Variants in SORCS3 observed in about 807,000 individuals in gnomAD.
SORCS3 encodes the protein VPS10 domain-containing receptor SorCS3.
Under a neutral mutation model 146.3 loss-of-function variants are expected in SORCS3, and 57 were observed. That is an observed-to-expected ratio of 0.39 (90% CI 0.31 to 0.49). SORCS3 has a LOEUF of 0.49. Ranked by LOEUF, SORCS3 falls within the 20% of genes least tolerant of loss-of-function variation. The pLI, the probability that SORCS3 is intolerant of heterozygous loss-of-function variation, is 0.92. For synonymous variants in SORCS3, 653 were observed against 618.5 expected (o/e 1.06, Z -0.83); for missense variants, 1,341 against 1,575.5 (o/e 0.85, Z 2.52).
intron 7 of SORCS3, among the ~76,000 whole-genome samples, chr10:105,113,005 AC>A (rs2055868717): frequency 6.6e-6 from 1 of 152,092 alleles, no homozygotes; most frequent in Non-Finnish European, 1.5e-5. Context: ...GTCCTTTCCC[AC>A]CCTTATGTGC....
intron 6 of SORCS3, among the ~76,000 whole-genome samples, chr10:105,099,263 G>T (rs2055767075): frequency 6.6e-6 from 1 of 152,070 alleles, no homozygotes; most frequent in Admixed American, 6.5e-5. Flanking sequence ...CAGCTCACGG[G>T]TATTTCTCTA....
At position 105,216,054 on chromosome 10, in the gene SORCS3, G is replaced by A. The variant is rs2056663067; in HGVS notation, c.2548-882G>A. Among the ~76,000 whole-genome samples, 3 of 151,950 alleles carry A rather than the reference G, an allele frequency of 2.0e-5. No individual in the cohort carries two copies. In the South Asian group the frequency reaches 6.2e-4, roughly 32 times the overall value. ...AAGAAGCTAAGTGTTGGCTTGGGGT[G>A]GTGAGATGCATTCACCTGAATCATT... On this transcript the variant is annotated intron_variant, in intron 18 of 26. Coordinates refer to ENST00000369701, the MANE Select transcript of SORCS3 (RefSeq NM_014978.3).
chr10:105,261,580 A>G (rs2056960821), intron 25 of SORCS3, among the ~76,000 whole-genome samples: 1 of 152,194 alleles, frequency 6.6e-6, no homozygotes, highest in Non-Finnish European at 1.5e-5. Flanking sequence ...GAGTCTCCCG[A>G]GGCTGGAACA....
At chr10:105,133,378 A>G (rs555739358) in intron 7 of SORCS3, among the ~76,000 whole-genome samples, 40 of 152,244 alleles carry the variant, frequency 2.6e-4, no homozygotes, top group East Asian at 1.2e-3. Flanking sequence ...ACCTGCCTCT[A>G]TGAGGTGTGC....
At chr10:104,863,528 T>TA (rs1262833480) in intron 2 of SORCS3, among the ~76,000 whole-genome samples, 5 of 152,218 alleles carry the variant, frequency 3.3e-5, no homozygotes, top group Non-Finnish European at 7.3e-5. Context: ...TACCTGGTCT[T>TA]ACTGTGCATG....
intron 26 of SORCS3, 100 bp downstream of exon 26, chr10:105,262,591 C>T (rs1405372029): frequency 9.2e-6 from 11 of 1,190,624 alleles, no homozygotes; most frequent in Non-Finnish European, 1.2e-6. Flanking sequence ...AGGGTGGGGA[C>T]AAACAACTAC....
At chr10:105,195,686 A>G (rs1315730133) in intron 14 of SORCS3, among the ~76,000 whole-genome samples, 2 of 152,228 alleles carry the variant, frequency 1.3e-5, no homozygotes, top group African/African-American at 4.8e-5. Context: ...TGTATGCCCC[A>G]TAGGAAAGGG....
At chr10:105,167,520 T>G (rs1401344889) in intron 13 of SORCS3, among the ~76,000 whole-genome samples, 171 bp downstream of exon 13, 1 of 152,034 alleles carries the variant, frequency 6.6e-6, no homozygotes, top group East Asian at 1.9e-4. Flanking sequence ...TAAGCAGCAA[T>G]AGTAGGCCAG....
At chr10:105,064,987 C>T (rs540005755) in intron 5 of SORCS3, among the ~76,000 whole-genome samples, 101 of 152,236 alleles carry the variant, frequency 6.6e-4, no homozygotes, top group African/African-American at 2.1e-3. Flanking sequence ...GACAGGGAAC[C>T]GGAACCTAAC....
rs938365201 is a variant in SORCS3 at position 105,219,401 on chromosome 10, C to A, written c.2734+2279C>A. Among the ~76,000 whole-genome samples, 5 of 152,238 alleles carry A rather than the reference C, an allele frequency of 3.3e-5. No homozygotes were observed. The East Asian group carries it at 9.7e-4, about 29-fold the overall frequency. ...AGTGCCCATAGTTTTTAATGGGGGC[C>A]AGTCATGTAGGTACCTTCTGCCTGG... On this transcript the variant is annotated intron_variant, in intron 19 of 26. Transcript: ENST00000369701.
intron 1 of SORCS3, among the ~76,000 whole-genome samples, chr10:104,786,571 A>AATC: frequency 6.7e-6 from 1 of 149,408 alleles, no homozygotes; most frequent in Admixed American, 6.7e-5. Flanking sequence ...TAATAATAAT[A>AATC]ATAATAGTGA....
intron 21 of SORCS3, among the ~76,000 whole-genome samples, chr10:105,246,267 A>C (rs1279308522): frequency 6.6e-6 from 1 of 152,148 alleles, no homozygotes; most frequent in African/African-American, 2.4e-5. Context: ...CATTTCACAC[A>C]ACCTCTCCCA....
At chr10:104,655,354 G>T (rs1447469959) in intron 1 of SORCS3, among the ~76,000 whole-genome samples, 2 of 151,924 alleles carry the variant, frequency 1.3e-5, no homozygotes, top group Non-Finnish European at 2.9e-5. Flanking sequence ...TTGTTGTACA[G>T]ATTATTTTGT....
intron 2 of SORCS3, among the ~76,000 whole-genome samples, chr10:104,866,680 T>G (rs2018462096): frequency 6.6e-6 from 1 of 152,238 alleles, no homozygotes; most frequent in African/African-American, 2.4e-5. Flanking sequence ...AAGTGTCTCT[T>G]ATTTGTAAAT....
At chr10:104,714,521 A>G (rs1048335911) in intron 1 of SORCS3, among the ~76,000 whole-genome samples, 1 of 152,234 alleles carries the variant, frequency 6.6e-6, no homozygotes, top group Non-Finnish European at 1.5e-5. Flanking sequence ...TTATTTAGAA[A>G]TGTGTTGTTT....
intron 3 of SORCS3, 148 bp from the exon 4 acceptor site, chr10:104,977,187 A>G: frequency 4.0e-6 from 2 of 499,270 alleles, no homozygotes; most frequent in Non-Finnish European, 6.3e-6. Context: ...TCAGGAGAAA[A>G]GTTAATACAA....
chr10:104,748,611 G>C (rs1272238811), intron 1 of SORCS3, among the ~76,000 whole-genome samples: 1 of 152,138 alleles, frequency 6.6e-6, no homozygotes, highest in Non-Finnish European at 1.5e-5. Context: ...CCAGCACTTT[G>C]GGAGGCCAGG....
intron 5 of SORCS3, among the ~76,000 whole-genome samples, chr10:105,045,207 A>G (rs560236553): frequency 3.3e-5 from 5 of 152,188 alleles, no homozygotes; most frequent in African/African-American, 9.6e-5. Context: ...AGTGCCTAAG[A>G]AGCAACATTT....
At chr10:104,794,622 G>GGAGAGAGAGA (rs371695559) in intron 1 of SORCS3, among the ~76,000 whole-genome samples, 2 of 41,402 alleles carry the variant, frequency 4.8e-5, no homozygotes, top group African/African-American at 1.7e-4. Context: ...AGAGAGGGAG[G>GGAGAGAGAGA]GAGAGAGAGA....
Sources: gnomAD v4.1 joint callset for allele counts (sites outside exome capture counted in the v4.1 genomes callset) on GRCh38, gnomAD v4.1.1 for gene constraint, MANE v1.5 for transcripts, NCBI Gene and HGNC (gene_info 2026-07-23, HGNC 2026-07-21) for gene names.